SERAC1: variants seen among roughly 807,000 people sequenced by gnomAD.
SERAC1 encodes protein SERAC1.
A neutral mutation model predicts 85.7 loss-of-function variants in SERAC1; 36 were observed. The ratio of observed to expected loss-of-function variants is 0.42; its 90% confidence interval spans 0.32 to 0.55. The LOEUF (loss-of-function observed/expected upper bound fraction) is 0.55. SERAC1 is among the 20% of genes least tolerant of loss of function. The probability of loss-of-function intolerance (pLI) is 0.11; values close to 1 mark genes in which losing one functional copy is unlikely to be tolerated. For synonymous variants in SERAC1, 242 were observed against 265.3 expected, an observed-to-expected ratio of 0.91 and a Z score of 0.85; for missense variants, 629 against 796.2, an observed-to-expected ratio of 0.79 and a Z score of 2.53.
chr6:158,111,271 C>T lies in SERAC1; in HGVS notation c.*95G>A. On this transcript the variant is annotated 3_prime_UTR_variant, in exon 17 of 17. Transcript: ENST00000647468. Reference sequence around the variant, plus strand: ...CCAGACCATGTTGACGCTATGATCACTATGTTTGCATGATTGCATAGAGCT... The same window carrying T: ...CCAGACCATGTTGACGCTATGATCATTATGTTTGCATGATTGCATAGAGCT... 8.6e-7 allele frequency: 1 copy of T among 1,166,272 alleles called. No individual in the cohort carries two copies. The highest frequency in any genetic ancestry group is 1.2e-6 in the Non-Finnish European group (1 of 834,910). 72.2% of individuals were successfully genotyped at this position (1,166,272 alleles called of 1,614,324 possible). A position where few individuals can be genotyped will look rare whatever the true frequency, so the allele number is the denominator to read the frequency against.
intron 3 of SERAC1, among the ~76,000 whole-genome samples, chr6:158,151,538 C>T (rs1298071127): frequency 6.6e-6 from 1 of 152,148 alleles, no homozygotes. Context: ...TCTCTCACCT[C>T]AGCCTCCCAA....
chr6:158,131,225 G>A (rs1029327904), intron 8 of SERAC1, among the ~76,000 whole-genome samples: 1 of 149,702 alleles, frequency 6.7e-6, no homozygotes, highest in African/African-American at 2.4e-5. Context: ...AGAAATACAA[G>A]CACAGTCATA....
At chr6:158,112,208 T>C (rs1784159704) in intron 16 of SERAC1, 1 of 152,904 alleles carries the variant, frequency 6.5e-6, no homozygotes, top group Non-Finnish European at 1.5e-5. Context: ...GGCCAGGAAT[T>C]TGAGACCAGC....
In SERAC1 at chr6:158,144,360, C is replaced by T. The variant is rs770465746; in HGVS notation, c.548G>A (p.Arg183Gln). The T allele has an allele frequency of 2.4e-5, 38 of 1,613,124 alleles. No homozygotes were observed. The highest frequency in any genetic ancestry group is 3.2e-5 in the Non-Finnish European group (38 of 1,179,352). ...AAAGCGAAGATCACTCTCTTCGCTT[C>T]GTGCCAAACCAATAAGAGTTTTCGG... ...CDPKTLIGLA[R>Q]SEESDLRFFL... is the part of the protein sequence containing the mutation. Residue 183 changes from arginine (R) to glutamine (Q), a missense_variant, in exon 7 of 17, where the codon CGA (arginine) becomes CAA (glutamine). Arg to Gln is a conservative substitution (Grantham distance 43). Coordinates refer to ENST00000647468, the MANE Select transcript of SERAC1 (RefSeq NM_032861.4).
Position 158,117,473 on chromosome 6 carries a change from C to A in SERAC1, c.1403+254G>T. On this transcript the variant is annotated intron_variant, in intron 13 of 16. Transcript: ENST00000647468. This position sits in a 1 kb window ranked among gnomAD's most constrained non-coding sequence, Gnocchi z 4.3. ...GGAGACTGCTAGACAATCCACGATC[C>A]TTCACTATTAGAACAGTTGTAAATA... 1 of 1,533,758 alleles carries A rather than the reference C, an allele frequency of 6.5e-7. No homozygotes were observed. The highest frequency in any genetic ancestry group is 8.8e-7 in the Non-Finnish European group (1 of 1,137,494).
At chr6:158,125,043 A>G (rs904033941) in intron 10 of SERAC1, among the ~76,000 whole-genome samples, 7 of 152,196 alleles carry the variant, frequency 4.6e-5, no homozygotes, top group African/African-American at 1.7e-4. Flanking sequence ...GATTTCTTAT[A>G]TTCTTTAAAT....
At chr6:158,142,500 C>T (rs1583588788) in intron 8 of SERAC1, among the ~76,000 whole-genome samples, 2 of 144,508 alleles carry the variant, frequency 1.4e-5, no homozygotes, top group Admixed American at 6.9e-5. Context: ...TTTTTTGAGG[C>T]GGAGTCTCGC....
intron 1 of SERAC1, among the ~76,000 whole-genome samples, chr6:158,164,809 T>C (rs546684760): frequency 9.9e-5 from 15 of 152,156 alleles, no homozygotes; most frequent in Non-Finnish European, 1.9e-4. Flanking sequence ...TCTAGTTAAC[T>C]ATGGGCACTT....
rs759345990 is a variant in SERAC1, at chr6:158,148,896, T to A, written c.324A>T (p.Thr108=). ...ATGGATTCCGCAGTATCTTGGCTGA[T>A]GTTGCCAATACTTTTCTTACTGCTT... is the stretch of plus-strand genomic sequence containing the variant. The part of the protein sequence containing the change: ...LHKAVRKVLA[T]SAKILRNPFA... Residue 108 remains threonine (T), a synonymous_variant, in exon 5 of 17, where the codon ACA becomes ACT. Coordinates refer to ENST00000647468, the MANE Select transcript of SERAC1 (RefSeq NM_032861.4). 9 of 1,612,656 alleles carry A rather than the reference T, an allele frequency of 5.6e-6. No homozygotes were observed. Among genetic ancestry groups the A allele is most frequent in the African/African-American group, 2.7e-5 (2 of 74,900 alleles).
intron 4 of SERAC1, among the ~76,000 whole-genome samples, chr6:158,149,689 A>G (rs1785159349): frequency 6.6e-6 from 1 of 152,242 alleles, no homozygotes; most frequent in South Asian, 2.1e-4. Flanking sequence ...GAAATTGTAA[A>G]CATACCATAA....
intron 1 of SERAC1, chr6:158,161,789 C>G (rs997602623): frequency 1.3e-5 from 2 of 152,200 alleles, no homozygotes; most frequent in Non-Finnish European, 2.9e-5. Context: ...ATACCCCCAA[C>G]CACCACACAC....
At position 158,123,949 on chromosome 6, in the gene SERAC1, AT is replaced by A. The variant is rs201045305; in HGVS notation, c.1016-3375del. 9.4e-3 allele frequency among the ~76,000 whole-genome samples: 1,434 copies of A among 152,276 alleles called. 24 individuals carry two copies. Among genetic ancestry groups the A allele is most frequent in the African/African-American group, 0.032 (1,335 of 41,546 alleles). On this transcript the variant is annotated intron_variant, in intron 10 of 16. Transcript: ENST00000647468. ...TGAAAGAAGGATGTGCTCAGGGCTG[AT>A]TTTTAGGTGAAGTGGTTTCAGGCAG...
At chr6:158,143,213 T>C (rs1784960413) in intron 7 of SERAC1, 29 bp from the exon 8 acceptor site, 1 of 1,607,446 alleles carries the variant, frequency 6.2e-7, no homozygotes, top group Non-Finnish European at 8.5e-7. Context: ...AAATTCTTCA[T>C]AAATACTCAA....
In SERAC1 at chr6:158,119,391, A is replaced by AT. The variant is rs1383473688; in HGVS notation, c.1167-222dup. Reference sequence around the variant, plus strand: ...TCACTGTTCTCTAAAAATGGAGACTATTCTAGTCAGGCAGACCAACCACAA... The same window carrying AT: ...TCACTGTTCTCTAAAAATGGAGACTATTTCTAGTCAGGCAGACCAACCACAA... On this transcript the variant is annotated intron_variant, in intron 11 of 16. Coordinates refer to ENST00000647468, the MANE Select transcript of SERAC1 (RefSeq NM_032861.4). The surrounding 1 kb of genome is among the most constrained non-coding windows in gnomAD (Gnocchi z 4.5). Among the ~76,000 whole-genome samples, 2 of 152,238 alleles carry AT rather than the reference A, an allele frequency of 1.3e-5. No homozygotes were observed. Among genetic ancestry groups the AT allele is most frequent in the African/African-American group, 2.4e-5 (1 of 41,466 alleles).
chr6:158,136,439 G>T (rs529450477), intron 8 of SERAC1, among the ~76,000 whole-genome samples: 2 of 152,138 alleles, frequency 1.3e-5, no homozygotes, highest in Non-Finnish European at 2.9e-5. Context: ...AAGCATTATC[G>T]TGTTGGCTGT....
chr6:158,134,806 C>T (rs1784754076), intron 8 of SERAC1, among the ~76,000 whole-genome samples: 1 of 152,074 alleles, frequency 6.6e-6, no homozygotes, highest in African/African-American at 2.4e-5. Context: ...AGCAACAGGA[C>T]AGTCTCCTAA....
At chr6:158,132,768 G>A (rs1214426357) in intron 8 of SERAC1, among the ~76,000 whole-genome samples, 1 of 152,100 alleles carries the variant, frequency 6.6e-6, no homozygotes, top group East Asian at 1.9e-4. Flanking sequence ...AAAAAGGAAT[G>A]AATACAAAGG....
At chr6:158,116,097 A>C (rs1240307056) in intron 14 of SERAC1, 88 bp downstream of exon 14, 16 of 1,085,386 alleles carry the variant, frequency 1.5e-5, no homozygotes, top group Non-Finnish European at 2.3e-5. Flanking sequence ...TATTAAGTAA[A>C]ATGGAAAGAT....
At chr6:158,131,111 A>G (rs1343225235) in intron 8 of SERAC1, among the ~76,000 whole-genome samples, 1 of 151,740 alleles carries the variant, frequency 6.6e-6, no homozygotes, top group Admixed American at 6.6e-5. Context: ...TGTTTTCAAA[A>G]TTAAAGCATT....
Sources: allele counts gnomAD v4.1 joint callset (sites outside exome capture counted in the v4.1 genomes callset), GRCh38; gene constraint gnomAD v4.1.1; non-coding constraint Gnocchi (gnomAD v3.1); transcripts MANE v1.5; gene names NCBI Gene and HGNC (gene_info 2026-07-23, HGNC 2026-07-21).